The following MAPK4 variants were observed in gnomAD, a reference collection of about 807,000 sequenced individuals.
MAPK4 encodes mitogen-activated protein kinase 4, also known as Erk3-related.
MAPK4 carries 22 observed loss-of-function variants against 47.7 expected under a neutral mutation model. That is an observed-to-expected ratio of 0.46 (90% CI 0.33 to 0.66). The LOEUF (loss-of-function observed/expected upper bound fraction) is 0.66, where lower values mean the gene tolerates loss of function less well. Ranked by LOEUF, MAPK4 falls within the 30% of genes least tolerant of loss-of-function variation. MAPK4 has a pLI of 0.02. For missense variants in MAPK4, 736 were observed against 831.7 expected, an observed-to-expected ratio of 0.88 and a Z score of 1.42; for synonymous variants, 390 against 365.7, an observed-to-expected ratio of 1.07 and a Z score of -0.76.
At chr18:50,603,469 C>G (rs2042557711) in intron 1 of MAPK4, among the ~76,000 whole-genome samples, 1 of 152,164 alleles carries the variant, frequency 6.6e-6, no homozygotes, top group African/African-American at 2.4e-5. Context: ...TCTCCTATGT[C>G]TACACACACA....
At chr18:50,709,340 A>T (rs1351799353) in intron 2 of MAPK4, among the ~76,000 whole-genome samples, 2 of 152,138 alleles carry the variant, frequency 1.3e-5, no homozygotes, top group Non-Finnish European at 2.9e-5. Context: ...TGCTCTCCAG[A>T]CTGCCCGGGG....
intron 1 of MAPK4, among the ~76,000 whole-genome samples, chr18:50,581,896 CAT>C (rs2042349152): frequency 6.6e-6 from 1 of 152,174 alleles, no homozygotes; most frequent in East Asian, 1.9e-4. Context: ...TAATAAGCAC[CAT>C]ACAATTATCA....
rs535243227 is a variant in MAPK4, at chr18:50,643,657, G to A, written c.-870-19432G>A. ...ATGGAGATGGGAGGGAGAAGGAACC[G>A]CCTGCTTTTTTACACACAGAGGTCT... On this transcript the variant is annotated intron_variant, in intron 1 of 5. Coordinates refer to ENST00000400384, the MANE Select transcript of MAPK4 (RefSeq NM_002747.4). Among the ~76,000 whole-genome samples the A allele has an allele frequency of 1.6e-4, 25 of 152,254 alleles. No individual in the cohort carries two copies. In the South Asian group the frequency reaches 3.1e-3, roughly 19 times the overall value.
At chr18:50,572,599 A>G (rs528341804) in intron 1 of MAPK4, among the ~76,000 whole-genome samples, 360 of 150,140 alleles carry the variant, frequency 2.4e-3, no homozygotes, top group Non-Finnish European at 4.6e-3. Flanking sequence ...TAAGATTCTC[A>G]ATCTTATGAA....
chr18:50,728,094 C>G (rs906013258), intron 5 of MAPK4, among the ~76,000 whole-genome samples: 3 of 152,214 alleles, frequency 2.0e-5, no homozygotes, highest in Admixed American at 2.0e-4. Flanking sequence ...TGGGCTACAG[C>G]TGCCAGGTCT....
chr18:50,610,208 G>T (rs2042620252), intron 1 of MAPK4, among the ~76,000 whole-genome samples: 1 of 152,212 alleles, frequency 6.6e-6, no homozygotes, highest in Admixed American at 6.5e-5. Flanking sequence ...ACCACAGGAA[G>T]CAGCCGCCAC....
At chr18:50,687,499 C>T (rs1375079605) in intron 2 of MAPK4, among the ~76,000 whole-genome samples, 10 of 152,208 alleles carry the variant, frequency 6.6e-5, no homozygotes, top group Non-Finnish European at 1.0e-4. Context: ...ACTCAGTTTG[C>T]GAGTTTTTGT....
intron 1 of MAPK4, among the ~76,000 whole-genome samples, chr18:50,625,882 GCACACACACACACACACACACACACA>G (rs58870306): frequency 7.2e-4 from 104 of 145,448 alleles, no homozygotes; most frequent in African/African-American, 2.3e-3. Flanking sequence ...GTGTGTGTAT[GCACACACACACACACACACACACACA>G]CACACACACA....
At chr18:50,619,221 A>G (rs923897399) in intron 1 of MAPK4, among the ~76,000 whole-genome samples, 5 of 152,356 alleles carry the variant, frequency 3.3e-5, no homozygotes, top group South Asian at 2.1e-4. Context: ...ACTTTTCATC[A>G]GGAAAAATTA....
At chr18:50,689,405 A>G (rs1364594479) in intron 2 of MAPK4, among the ~76,000 whole-genome samples, 1 of 108,612 alleles carries the variant, frequency 9.2e-6, no homozygotes, top group African/African-American at 4.8e-5. Context: ...ACTCCATCTT[A>G]AAAAAAAAAA....
chr18:50,630,482 T>G (rs1288003896), intron 1 of MAPK4, among the ~76,000 whole-genome samples: 1 of 152,138 alleles, frequency 6.6e-6, no homozygotes, highest in Non-Finnish European at 1.5e-5. Context: ...AGCCACTGCA[T>G]CTGGCCTGTT....
chr18:50,628,062 C>T (rs545305797), intron 1 of MAPK4, among the ~76,000 whole-genome samples: 3 of 152,234 alleles, frequency 2.0e-5, no homozygotes, highest in African/African-American at 7.2e-5. Context: ...ACACTGGCTC[C>T]GAGGTAGGGT....
chr18:50,668,654 C>A (rs1907745196), intron 2 of MAPK4, among the ~76,000 whole-genome samples: 1 of 152,170 alleles, frequency 6.6e-6, no homozygotes, highest in Admixed American at 6.5e-5. Flanking sequence ...AAAACACTGC[C>A]TCTGTGTTAT....
chr18:50,694,838 C>T (rs983202864), intron 2 of MAPK4, among the ~76,000 whole-genome samples: 1 of 152,240 alleles, frequency 6.6e-6, no homozygotes, highest in African/African-American at 2.4e-5. Context: ...TTAGTCATTA[C>T]TCCATCACCA....
intron 2 of MAPK4, among the ~76,000 whole-genome samples, chr18:50,710,482 CAAAT>C (rs543860403): frequency 3.2e-3 from 484 of 151,118 alleles, no homozygotes; most frequent in Non-Finnish European, 4.9e-3. Flanking sequence ...GACCCTATCT[CAAAT>C]AAATAAATAG....
intron 1 of MAPK4, among the ~76,000 whole-genome samples, chr18:50,588,014 A>G (rs1032284040): frequency 1.3e-5 from 2 of 152,148 alleles, no homozygotes; most frequent in African/African-American, 4.8e-5. Flanking sequence ...TACAGGCATG[A>G]GCTACCATGC....
intron 1 of MAPK4, among the ~76,000 whole-genome samples, chr18:50,622,636 G>C (rs2042742417): frequency 6.6e-6 from 1 of 152,214 alleles, no homozygotes; most frequent in African/African-American, 2.4e-5. Context: ...AATAAACATT[G>C]ACACATGGGC....
chr18:50,720,804 G>C (rs867722735), intron 3 of MAPK4, among the ~76,000 whole-genome samples: 17 of 152,296 alleles, frequency 1.1e-4, no homozygotes, highest in Middle Eastern at 3.4e-3. Flanking sequence ...TCCACTGCAG[G>C]GAGAGGCCAA....
At chr18:50,600,071 G>A (rs922288386) in intron 1 of MAPK4, among the ~76,000 whole-genome samples, 1 of 152,152 alleles carries the variant, frequency 6.6e-6, no homozygotes, top group Non-Finnish European at 1.5e-5. Flanking sequence ...CAATTCTGCC[G>A]AGTAGAAGCC....
Sources: gnomAD v4.1 joint callset for allele counts (sites outside exome capture counted in the v4.1 genomes callset) on GRCh38, gnomAD v4.1.1 for gene constraint, MANE v1.5 for transcripts, NCBI Gene and HGNC (gene_info 2026-07-23, HGNC 2026-07-21) for gene names.